Variants in TACC1 observed in about 807,000 individuals in gnomAD.
TACC1 encodes transforming acidic coiled-coil-containing protein 1.
In TACC1, 48 loss-of-function variants were observed where a neutral mutation model predicts 84.4. The ratio of observed to expected loss-of-function variants is 0.57; its 90% confidence interval spans 0.45 to 0.72. The LOEUF is 0.72. Among genes scored for constraint, TACC1 ranks in the 30% least tolerant of loss-of-function variants. The probability of loss-of-function intolerance (pLI) is 0.00; values close to 1 mark genes in which losing one functional copy is unlikely to be tolerated. For synonymous variants in TACC1, 372 were observed against 376.3 expected (o/e 0.99, Z 0.13); for missense variants, 920 against 973.0 (o/e 0.95, Z 0.72).
At chr8:38,744,705 G>C (rs1210583197) in intron 2 of TACC1, among the ~76,000 whole-genome samples, 1 of 151,658 alleles carries the variant, frequency 6.6e-6, no homozygotes, top group East Asian at 1.9e-4. Flanking sequence ...TTGCCCATCA[G>C]GGTCCATAGG....
intron 3 of TACC1, among the ~76,000 whole-genome samples, chr8:38,822,359 T>TA (rs781613936): frequency 1.3e-5 from 2 of 150,542 alleles, no homozygotes; most frequent in Non-Finnish European, 3.0e-5. Flanking sequence ...GTATAAAAGA[T>TA]AAAAAATAAT....
chr8:38,777,616 T>A (rs769840359), intron 3 of TACC1, among the ~76,000 whole-genome samples: 2 of 151,258 alleles, frequency 1.3e-5, no homozygotes, highest in Admixed American at 6.7e-5. Context: ...ACCCTGTTTC[T>A]ACAAACAAAA....
chr8:38,773,253 A>G (rs566831616), intron 3 of TACC1, among the ~76,000 whole-genome samples: 5 of 152,064 alleles, frequency 3.3e-5, no homozygotes, highest in African/African-American at 1.2e-4. Context: ...TTGAAATTGG[A>G]AAGTGGAGTT....
chr8:38,810,255 A>G (rs1394469947), intron 2 of TACC1, among the ~76,000 whole-genome samples: 1 of 152,078 alleles, frequency 6.6e-6, no homozygotes, highest in African/African-American at 2.4e-5. Flanking sequence ...TATATTTAAA[A>G]TTCAGGTTTT....
intron 3 of TACC1, among the ~76,000 whole-genome samples, chr8:38,766,439 G>C (rs930567048): frequency 6.6e-6 from 1 of 152,118 alleles, no homozygotes; most frequent in Non-Finnish European, 1.5e-5. Context: ...CCATTTCTGA[G>C]AAAACCCATC....
upstream of TACC1, among the ~76,000 whole-genome samples, chr8:38,784,613 ACT>A (rs1438015144): frequency 6.6e-6 from 1 of 151,950 alleles, no homozygotes; most frequent in African/African-American, 2.4e-5. Flanking sequence ...GCTTAATCTT[ACT>A]GGGGCCATCA....
intron 2 of TACC1, among the ~76,000 whole-genome samples, chr8:38,806,180 T>G (rs1283220384): frequency 6.6e-6 from 1 of 152,086 alleles, no homozygotes; most frequent in African/African-American, 2.4e-5. Flanking sequence ...TTCTGGGTGC[T>G]CAGAAGCATG....
chr8:38,797,879 A>G (rs575633880), intron 2 of TACC1, among the ~76,000 whole-genome samples: 47 of 152,256 alleles, frequency 3.1e-4, no homozygotes, highest in African/African-American at 9.6e-4. Flanking sequence ...AGGGCCTTCT[A>G]TGATTTCTGT....
intron 2 of TACC1, chr8:38,742,544 T>C (rs1478103837): frequency 3.2e-6 from 3 of 937,512 alleles, no homozygotes; most frequent in Non-Finnish European, 4.8e-6. Flanking sequence ...ATGTAATCTT[T>C]GTATTTGGAT....
At chr8:38,769,804 CTG>C (rs1472121298) in intron 3 of TACC1, among the ~76,000 whole-genome samples, 4 of 116,624 alleles carry the variant, frequency 3.4e-5, no homozygotes, top group East Asian at 2.8e-4. Flanking sequence ...GTGTATATGA[CTG>C]TGTGTGGTGT....
chr8:38,801,584 G>A (rs1008609255), intron 2 of TACC1, among the ~76,000 whole-genome samples: 2 of 152,086 alleles, frequency 1.3e-5, no homozygotes, highest in African/African-American at 4.8e-5. Context: ...TATGTCTCTC[G>A]TTATGCTGGT....
intron 2 of TACC1, among the ~76,000 whole-genome samples, chr8:38,811,212 G>A (rs1265563479): frequency 1.4e-5 from 2 of 147,470 alleles, no homozygotes; most frequent in Non-Finnish European, 3.0e-5. Context: ...ACCTGAAACA[G>A]ATCTCAACAT....
chr8:38,771,940 G>A (rs113041203), intron 3 of TACC1, among the ~76,000 whole-genome samples: 8,161 of 151,978 alleles, frequency 0.054, 663 homozygotes, highest in African/African-American at 0.18. Flanking sequence ...CCCAGGTGAT[G>A]CTGATGTTGC....
intron 2 of TACC1, among the ~76,000 whole-genome samples, chr8:38,813,542 G>C (rs1824733660): frequency 1.3e-5 from 2 of 152,154 alleles, no homozygotes; most frequent in South Asian, 2.1e-4. Flanking sequence ...TAGGATCTGA[G>C]ATTGCATATG....
intron 1 of TACC1, among the ~76,000 whole-genome samples, chr8:38,731,028 A>G (rs1354837281): frequency 1.3e-5 from 2 of 152,110 alleles, no homozygotes; most frequent in Admixed American, 6.5e-5. Flanking sequence ...CCTGGGCTCA[A>G]GTGATCCTCC....
At chr8:38,831,030 C>A in intron 5 of TACC1, 95 bp from the exon 6 acceptor site, 1 of 1,067,824 alleles carries the variant, frequency 9.4e-7, no homozygotes, top group Admixed American at 2.0e-5. Flanking sequence ...GTTCATAAGT[C>A]ATTCTCGCCT....
intron 11 of TACC1, among the ~76,000 whole-genome samples, chr8:38,844,079 G>A (rs920688828): frequency 5.9e-5 from 9 of 152,130 alleles, no homozygotes; most frequent in African/African-American, 1.9e-4. Flanking sequence ...ATAGGTCAAC[G>A]TTTTTATTTT....
At chr8:38,844,977 T>G (rs1297816155) in intron 11 of TACC1, 1 of 152,210 alleles carries the variant, frequency 6.6e-6, no homozygotes, top group Non-Finnish European at 1.5e-5. Context: ...CATGCTGTAG[T>G]GCAGTGGCAC....
At chr8:38,791,863 C>T (rs1453280068) in intron 2 of TACC1, among the ~76,000 whole-genome samples, 1 of 152,190 alleles carries the variant, frequency 6.6e-6, no homozygotes, top group Non-Finnish European at 1.5e-5. Context: ...TTACCATACC[C>T]ATGGCTCCTG....
Sources: allele counts gnomAD v4.1 joint callset (sites outside exome capture counted in the v4.1 genomes callset), GRCh38; gene constraint gnomAD v4.1.1; transcripts MANE v1.5; gene names NCBI Gene and HGNC (gene_info 2026-07-23, HGNC 2026-07-21).